The following RBFOX1 variants were observed in gnomAD, a reference collection of about 807,000 sequenced individuals.
RBFOX1 encodes RNA binding fox-1 homolog 1.
Under a neutral mutation model 57.7 loss-of-function variants are expected in RBFOX1, and 8 were observed. The ratio of observed to expected loss-of-function variants is 0.14; its 90% CI spans 0.08 to 0.25. The LOEUF (loss-of-function observed/expected upper bound fraction) is 0.25. Ranked by LOEUF, RBFOX1 falls within the 10% of genes least tolerant of loss-of-function variation. The pLI is 1.00. For synonymous variants in RBFOX1, 326 were observed against 222.4 expected (o/e 1.47, Z -4.15); for missense variants, 611 against 548.5 (o/e 1.11, Z -1.14).
At chr16:7,356,921 G>A (rs1245171599) in intron 4 of RBFOX1, among the ~76,000 whole-genome samples, 1 of 152,124 alleles carries the variant, frequency 6.6e-6, no homozygotes. Context: ...GTTGATGCAG[G>A]GGAAAGAAGA....
At chr16:6,576,430 A>G (rs939652552) in intron 2 of RBFOX1, among the ~76,000 whole-genome samples, 1 of 152,268 alleles carries the variant, frequency 6.6e-6, no homozygotes, top group East Asian at 1.9e-4. Context: ...TGGGAATCAG[A>G]TTTTTTTCTT....
chr16:5,931,582 G>A (rs1047353577), intron 4 of RBFOX1, among the ~76,000 whole-genome samples: 1 of 152,216 alleles, frequency 6.6e-6, no homozygotes, highest in African/African-American at 2.4e-5. Flanking sequence ...TGAGCAGCTG[G>A]GTCTGAAAAG....
At position 6,688,071 on chromosome 16, in the gene RBFOX1, G is replaced by C. The variant is rs537313844; in HGVS notation, c.-16+33421G>C. 3.9e-5 allele frequency among the ~76,000 whole-genome samples: 6 copies of C among 152,232 alleles called. No individual in the cohort carries two copies. The South Asian group carries it at 6.2e-4, about 16-fold the overall frequency. ...CTTGCACTGCCATAGACAAATATTT[G>C]AGACTGGGTAATTTACAAAGAAAAG... On this transcript the variant is annotated intron_variant, in intron 3 of 15. Transcript: ENST00000550418.
At chr16:6,110,712 C>T (rs1226831724) in intron 1 of RBFOX1, among the ~76,000 whole-genome samples, 1 of 152,166 alleles carries the variant, frequency 6.6e-6, no homozygotes, top group Non-Finnish European at 1.5e-5. Flanking sequence ...TAATCCAGAG[C>T]AGTGGTTCTC....
chr16:5,347,488 C>G (rs1048926623), intron 1 of RBFOX1, among the ~76,000 whole-genome samples: 2 of 152,092 alleles, frequency 1.3e-5, no homozygotes, highest in African/African-American at 4.8e-5. Flanking sequence ...TCATTGAAGG[C>G]AAGGATCATG....
chr16:6,819,128 G>C (rs1241174297), intron 3 of RBFOX1, among the ~76,000 whole-genome samples: 1 of 152,150 alleles, frequency 6.6e-6, no homozygotes, highest in African/African-American at 2.4e-5. Flanking sequence ...TTCCATGTGG[G>C]CTATGGCAGT....
intron 3 of RBFOX1, among the ~76,000 whole-genome samples, chr16:6,975,492 C>G (rs1028889811): frequency 6.6e-5 from 10 of 152,068 alleles, no homozygotes; most frequent in Non-Finnish European, 2.9e-5. Context: ...GTCTCAAACT[C>G]CTGACCTCAA....
rs1458168586 is a variant in RBFOX1 at position 7,712,299 on chromosome 16, G to A, written c.*1554G>A. The A allele has an allele frequency of 2.0e-5, 3 of 152,524 alleles. No homozygotes were observed. Among genetic ancestry groups the A allele is most frequent in the African/African-American group, 7.2e-5 (3 of 41,408 alleles). 9.4% of individuals were successfully genotyped at this position (152,524 alleles called of 1,614,324 possible). A position where few individuals can be genotyped will look rare whatever the true frequency, so the allele number is the denominator to read the frequency against. On this transcript the variant is annotated 3_prime_UTR_variant, in exon 16 of 16. Transcript: ENST00000550418. ...TTAAGTCCTCATGTGTACAGTGCAG[G>A]CCCTGTGGCCCGCACTTCAGTAAGT...
rs371551789 is a variant in RBFOX1 at position 6,317,376 on chromosome 16, T to C, written c.-64+319T>C. On this transcript the variant is annotated intron_variant, in intron 2 of 15. Coordinates refer to ENST00000550418, the MANE Select transcript of RBFOX1 (RefSeq NM_018723.4). Reference sequence around the variant, plus strand: ...TTTTTCTCCCCCTAAGGTTTTCTTATCAGGAGACATTCTGTCCCCCTTCTG... The same window carrying C: ...TTTTTCTCCCCCTAAGGTTTTCTTACCAGGAGACATTCTGTCCCCCTTCTG... Among the ~76,000 whole-genome samples the C allele has an allele frequency of 2.6e-5, 4 of 152,140 alleles. No homozygotes were observed. The East Asian group carries it at 5.8e-4, about 22-fold the overall frequency.
chr16:7,400,827 G>C (rs889068348), intron 4 of RBFOX1, among the ~76,000 whole-genome samples: 2 of 152,204 alleles, frequency 1.3e-5, no homozygotes, highest in Admixed American at 6.5e-5. Flanking sequence ...CCACAATGCT[G>C]TTGGTGCGCT....
At chr16:6,667,603 TG>T (rs1221910660) in intron 3 of RBFOX1, among the ~76,000 whole-genome samples, 1 of 152,128 alleles carries the variant, frequency 6.6e-6, no homozygotes, top group Non-Finnish European at 1.5e-5. Context: ...GCAAGCTGGC[TG>T]GGCACGGTGG....
At chr16:5,384,732 G>C (rs1168717101) in intron 1 of RBFOX1, among the ~76,000 whole-genome samples, 1 of 152,238 alleles carries the variant, frequency 6.6e-6, no homozygotes, top group East Asian at 1.9e-4. Context: ...GGGCTTTTTG[G>C]CCCGAACATC....
intron 4 of RBFOX1, among the ~76,000 whole-genome samples, chr16:7,169,105 C>A (rs1332701957): frequency 6.6e-6 from 1 of 152,128 alleles, no homozygotes; most frequent in African/African-American, 2.4e-5. Flanking sequence ...TGTCTCAGGG[C>A]AGGAAAAATG....
intron 4 of RBFOX1, among the ~76,000 whole-genome samples, chr16:5,979,917 A>G (rs75190343): frequency 0.019 from 2,842 of 152,264 alleles, 108 homozygotes; most frequent in African/African-American, 0.065. Context: ...TTGCTTCCCC[A>G]TGGTCACTCA....
intron 2 of RBFOX1, among the ~76,000 whole-genome samples, chr16:6,350,813 C>A (rs991380516): frequency 2.0e-5 from 3 of 152,152 alleles, no homozygotes; most frequent in African/African-American, 7.2e-5. Flanking sequence ...AAGTCATACT[C>A]ATCAGCAAGG....
intron 2 of RBFOX1, among the ~76,000 whole-genome samples, chr16:5,487,087 G>A (rs968807722): frequency 1.3e-5 from 2 of 152,130 alleles, no homozygotes; most frequent in African/African-American, 2.4e-5. Context: ...GATCAGTGTA[G>A]GTGTCATTTC....
At chr16:6,614,684 T>C (rs182562563) in intron 2 of RBFOX1, among the ~76,000 whole-genome samples, 2 of 152,284 alleles carry the variant, frequency 1.3e-5, no homozygotes, top group East Asian at 3.9e-4. Flanking sequence ...CCCCACAGTC[T>C]TTGGTGTTCC....
At chr16:7,105,541 A>G (rs2063428550) in intron 4 of RBFOX1, among the ~76,000 whole-genome samples, 3 of 151,940 alleles carry the variant, frequency 2.0e-5, no homozygotes, top group Non-Finnish European at 4.4e-5. Flanking sequence ...TTGCTTCCTC[A>G]TAGCTTAGCT....
intron 3 of RBFOX1, among the ~76,000 whole-genome samples, chr16:5,696,199 G>C (rs942420135): frequency 6.6e-6 from 1 of 152,178 alleles, no homozygotes; most frequent in Non-Finnish European, 1.5e-5. Context: ...TGAAAGAGCT[G>C]ATGCCTCTGG....
Sources: gnomAD v4.1 joint callset for allele counts (sites outside exome capture counted in the v4.1 genomes callset) on GRCh38, gnomAD v4.1.1 for gene constraint, MANE v1.5 for transcripts, NCBI Gene and HGNC (gene_info 2026-07-23, HGNC 2026-07-21) for gene names.